The following FRAS1 variants were observed in gnomAD, a reference collection of about 807,000 sequenced individuals.
FRAS1 encodes the protein Fraser extracellular matrix complex subunit 1.
A neutral mutation model predicts 435.2 loss-of-function variants in FRAS1; 290 were observed. The observed-to-expected ratio is 0.67, with a 90% confidence interval of 0.61 to 0.73. FRAS1 has a LOEUF of 0.73. FRAS1 is among the 30% of genes least tolerant of loss of function. FRAS1 has a pLI of 0.00. For missense variants in FRAS1, 4,860 were observed against 5,001.5 expected (o/e 0.97, Z 0.85); for synonymous variants, 1,800 against 1,851.0 (o/e 0.97, Z 0.71).
chr4:78,365,895 G>A (rs966002406), intron 22 of FRAS1, among the ~76,000 whole-genome samples: 2 of 151,730 alleles, frequency 1.3e-5, no homozygotes, highest in Non-Finnish European at 2.9e-5. Flanking sequence ...AACCTGGGAG[G>A]CGGAGGCTGC....
chr4:78,181,887 C>G (rs1722023702), intron 2 of FRAS1: 2 of 1,611,392 alleles, frequency 1.2e-6, no homozygotes. Flanking sequence ...GCCTGAGCTG[C>G]GCTCTTGGCC....
At position 78,293,335 on chromosome 4, in the gene FRAS1, A is replaced by T. The variant is rs75305044; in HGVS notation, c.1534+6796A>T. 1.1e-4 allele frequency among the ~76,000 whole-genome samples: 17 copies of T among 152,306 alleles called. No homozygotes were observed. The East Asian group carries it at 3.1e-3, about 28-fold the overall frequency. The stretch of plus-strand genomic sequence containing the variant: ...CTGTGGCCCTCTGGAATAATTTTTG[A>T]TAGAAAAAATGTGATAAACCATTGC... On this transcript the variant is annotated intron_variant, in intron 14 of 73. Coordinates refer to ENST00000512123, the MANE Select transcript of FRAS1 (RefSeq NM_025074.7).
At position 78,421,755 on chromosome 4, in the gene FRAS1, G is replaced by A. The variant is rs6835413; in HGVS notation, c.4541-108G>A. 5,826 of 1,294,272 alleles carry A rather than the reference G, an allele frequency of 4.5e-3. 163 individuals carry two copies. The African/African-American group carries it at 0.068, about 15-fold the overall frequency. 80.2% of individuals were successfully genotyped at this position (1,294,272 alleles called of 1,614,324 possible). On this transcript the variant is annotated intron_variant, in intron 33 of 73. Coordinates refer to ENST00000512123, the MANE Select transcript of FRAS1 (RefSeq NM_025074.7). The stretch of plus-strand genomic sequence containing the variant: ...AGCAACCTGAGAACAGTCAGTTTCC[G>A]AAGAATGTCAGACTCCCACCAACAA...
intron 2 of FRAS1, among the ~76,000 whole-genome samples, chr4:78,182,907 A>AG (rs1722091545): frequency 7.2e-6 from 1 of 139,756 alleles, no homozygotes; most frequent in Non-Finnish European, 1.6e-5. Flanking sequence ...AAAAAAAAAA[A>AG]TGCCCAGAGG....
chr4:78,541,036 C>T lies in FRAS1; in HGVS notation c.11951C>T (p.Ala3984Val), dbSNP rs374171667. The T allele has an allele frequency of 8.6e-5, 128 of 1,493,132 alleles. No homozygotes were observed. The highest frequency in any genetic ancestry group is 1.1e-4 in the Non-Finnish European group (122 of 1,116,812). 92.5% of individuals were successfully genotyped at this position (1,493,132 alleles called of 1,614,324 possible). The change falls in exon 74 of 74, where the codon GCG (alanine) becomes GTG (valine). Residue 3984 changes from alanine (A) to valine (V), a missense_variant. Coordinates refer to ENST00000512123, the MANE Select transcript of FRAS1 (RefSeq NM_025074.7). ...RNVNILSEPEAAYTFKGAKVK... is the reference protein window; with the variant it reads ...RNVNILSEPEVAYTFKGAKVK... The stretch of plus-strand genomic sequence containing the variant: ...GTCAACATCCTGAGTGAGCCTGAGG[C>T]GGCTTACACGTTCAAAGGTGCTAAA...
intron 2 of FRAS1, among the ~76,000 whole-genome samples, chr4:78,213,401 C>T (rs1723602536): frequency 6.6e-6 from 1 of 152,244 alleles, no homozygotes; most frequent in Non-Finnish European, 1.5e-5. Flanking sequence ...ATTGACTTGG[C>T]CGTTGGCCAA....
intron 22 of FRAS1, among the ~76,000 whole-genome samples, chr4:78,366,538 T>C (rs1431820489): frequency 6.6e-6 from 1 of 152,218 alleles, no homozygotes; most frequent in Admixed American, 6.5e-5. Context: ...CAATGGAGTA[T>C]TGAAGTAGGA....
At chr4:78,379,126 C>A (rs923017) in intron 26 of FRAS1, 96,316 of 152,422 alleles carry the variant, frequency 0.63, 30,649 homozygotes, top group African/African-American at 0.66. Context: ...GCTTATTTAA[C>A]ATTTTTAAGA....
chr4:78,537,797 T>G (rs1721929375), intron 72 of FRAS1, among the ~76,000 whole-genome samples: 1 of 151,872 alleles, frequency 6.6e-6, no homozygotes, highest in Non-Finnish European at 1.5e-5. Flanking sequence ...TATTTGAAAA[T>G]TAGCTGGGCT....
Position 78,472,319 on chromosome 4 carries a change from C to G in FRAS1, c.7511C>G (p.Thr2504Ser). 1 of 1,606,848 alleles carries G rather than the reference C, an allele frequency of 6.2e-7. No homozygotes were observed. The highest frequency in any genetic ancestry group is 1.7e-4 in the Middle Eastern group (1 of 6,032). Residue 2504 changes from threonine (T) to serine (S), a missense_variant, in exon 52 of 74, where the codon ACT (threonine) becomes AGT (serine). Coordinates refer to ENST00000512123, the MANE Select transcript of FRAS1 (RefSeq NM_025074.7). Reference protein sequence around the residue: ...NKLQPGRAAATFTQEDVNLGL... With the variant: ...NKLQPGRAAASFTQEDVNLGL... ...CTGCAGCCTGGCAGAGCTGCTGCCA[C>G]TTTCACCCAGGGTGGGGACTCTCTG...
intron 63 of FRAS1, among the ~76,000 whole-genome samples, chr4:78,510,769 A>T (rs533355474): frequency 1.5e-4 from 23 of 152,318 alleles, no homozygotes; most frequent in Non-Finnish European, 2.4e-4. Flanking sequence ...CCTGCATGTT[A>T]TTATAACCCT....
At chr4:78,187,791 G>A (rs1722335525) in intron 2 of FRAS1, among the ~76,000 whole-genome samples, 1 of 152,048 alleles carries the variant, frequency 6.6e-6, no homozygotes, top group Non-Finnish European at 1.5e-5. Flanking sequence ...TTTTAGTAGA[G>A]ACAGAGTTTC....
intron 14 of FRAS1, among the ~76,000 whole-genome samples, chr4:78,296,436 G>A (rs1728148920): frequency 6.6e-6 from 1 of 152,104 alleles, no homozygotes; most frequent in Middle Eastern, 3.2e-3. Flanking sequence ...TGATGGCTCA[G>A]ATCTCTTTGG....
chr4:78,167,210 T>C (rs368569119), intron 2 of FRAS1, among the ~76,000 whole-genome samples: 2 of 152,222 alleles, frequency 1.3e-5, no homozygotes, highest in African/African-American at 2.4e-5. Flanking sequence ...AAATTATCTT[T>C]CAGCAGTTAC....
intron 14 of FRAS1, among the ~76,000 whole-genome samples, chr4:78,307,626 C>G (rs532749242): frequency 1.3e-5 from 2 of 152,216 alleles, no homozygotes; most frequent in Non-Finnish European, 2.9e-5. Flanking sequence ...TTCCAGGTGC[C>G]GTCTGTCACC....
chr4:78,156,917 G>T (rs1020358349), intron 2 of FRAS1, among the ~76,000 whole-genome samples: 1 of 152,080 alleles, frequency 6.6e-6, no homozygotes, highest in Non-Finnish European at 1.5e-5. Context: ...TGTCTCCTCT[G>T]CTGCTCAGGG....
At chr4:78,134,239 C>G (rs1343732934) in intron 2 of FRAS1, among the ~76,000 whole-genome samples, 2 of 152,098 alleles carry the variant, frequency 1.3e-5, no homozygotes, top group Non-Finnish European at 2.9e-5. Context: ...TGTTTTGAGC[C>G]TTATCGGGAT....
chr4:78,111,756 A>T (rs1010876493), intron 2 of FRAS1, among the ~76,000 whole-genome samples: 3,280 of 89,476 alleles, frequency 0.037, 31 homozygotes, highest in Middle Eastern at 0.11. Context: ...GTATAATAAA[A>T]AAAAAAAAAA....
chr4:78,449,163 A>G (rs762003307), intron 44 of FRAS1, among the ~76,000 whole-genome samples: 30 of 152,196 alleles, frequency 2.0e-4, no homozygotes, highest in Non-Finnish European at 3.4e-4. Flanking sequence ...CTTGTTACTT[A>G]TAGCACAGCA....
Sources: gnomAD v4.1 joint callset for allele counts (sites outside exome capture counted in the v4.1 genomes callset) on GRCh38, gnomAD v4.1.1 for gene constraint, MANE v1.5 for transcripts, NCBI Gene and HGNC (gene_info 2026-07-23, HGNC 2026-07-21) for gene names.